Variants in NF2 observed in about 807,000 individuals in gnomAD.
The protein encoded by NF2 is NF2, moesin-ezrin-radixin like (MERLIN) tumor suppressor.
Under a neutral mutation model 83.7 loss-of-function variants are expected in NF2, and 8 were observed. That is an observed-to-expected ratio of 0.10 (90% CI 0.06 to 0.17). The LOEUF (loss-of-function observed/expected upper bound fraction) is 0.17, where lower values mean the gene tolerates loss of function less well. Among genes scored for constraint, NF2 ranks in the 10% least tolerant of loss-of-function variants. NF2 has a pLI of 1.00. For synonymous variants in NF2, 266 were observed against 269.6 expected, an observed-to-expected ratio of 0.99 and a Z score of 0.13; for missense variants, 533 against 744.4, an observed-to-expected ratio of 0.72 and a Z score of 3.31.
intron 1 of NF2, among the ~76,000 whole-genome samples, chr22:29,624,160 G>A (rs775224363): frequency 9.2e-5 from 14 of 152,158 alleles, no homozygotes; most frequent in South Asian, 4.1e-4. Context: ...CTCAGTTGCT[G>A]CATCTATAAA....
chr22:29,661,314 G>A lies in NF2; in HGVS notation c.785G>A (p.Arg262Gln), dbSNP rs1450914413. 5.0e-6 allele frequency: 8 copies of A among 1,613,990 alleles called. No individual in the cohort carries two copies. Among genetic ancestry groups the A allele is most frequent in the Non-Finnish European group, 5.9e-6 (7 of 1,180,034 alleles). ...ATCTCCTTCCCGTGGAATGAAATCC[G>A]AAACATCTCGTACAGTGACAAGGAG... Reference protein sequence around the residue: ...PKISFPWNEIRNISYSDKEFT... With the variant: ...PKISFPWNEIQNISYSDKEFT... Residue 262 changes from arginine to glutamine, a missense_variant, in exon 8 of 16, where the codon CGA becomes CAA. Arg to Gln is a conservative substitution (Grantham distance 43). Transcript: ENST00000338641.
At chr22:29,685,898 G>A (rs886590541) in intron 15 of NF2, among the ~76,000 whole-genome samples, 34 of 152,174 alleles carry the variant, frequency 2.2e-4, no homozygotes, top group African/African-American at 6.0e-4. Context: ...CTGATTAACC[G>A]AGGTTCCTAC....
At position 29,608,504 on chromosome 22, in the gene NF2, A is replaced by G. The variant is rs996902285; in HGVS notation, c.114+4392A>G. ...GCCAACATGGTGAAACCCCATCTCT[A>G]CAAAAATACAAAAATTTAGTTGGGC... On this transcript the variant is annotated intron_variant, in intron 1 of 15. Coordinates refer to ENST00000338641, the MANE Select transcript of NF2 (RefSeq NM_000268.4). 2.1e-4 allele frequency among the ~76,000 whole-genome samples: 32 copies of G among 151,870 alleles called. 1 individual carries two copies. Among genetic ancestry groups the G allele is most frequent in the African/African-American group, 7.2e-4 (30 of 41,460 alleles).
intron 1 of NF2, among the ~76,000 whole-genome samples, chr22:29,620,413 C>G (rs1284798273): frequency 6.7e-6 from 1 of 150,246 alleles, no homozygotes; most frequent in African/African-American, 2.4e-5. Flanking sequence ...GAGTGAGACT[C>G]TGTCTCTTTT....
intron 1 of NF2, among the ~76,000 whole-genome samples, chr22:29,605,434 A>G (rs1045549640): frequency 5.3e-5 from 8 of 152,044 alleles, no homozygotes; most frequent in African/African-American, 1.9e-4. Context: ...AAGTGGTGGG[A>G]AAGTGGTGCG....
chr22:29,630,451 C>A (rs2065477713), intron 1 of NF2, among the ~76,000 whole-genome samples: 1 of 152,208 alleles, frequency 6.6e-6, no homozygotes, highest in African/African-American at 2.4e-5. Context: ...ATGATATAGG[C>A]ACAAGTATAT....
intron 4 of NF2, among the ~76,000 whole-genome samples, chr22:29,644,205 G>A (rs552038457): frequency 1.1e-3 from 162 of 151,082 alleles, no homozygotes; most frequent in African/African-American, 3.5e-3. Context: ...CTTCTCAGAC[G>A]GGGCGGCCGG....
intron 4 of NF2, among the ~76,000 whole-genome samples, chr22:29,647,045 A>AAAG (rs2066003161): frequency 6.6e-6 from 1 of 151,804 alleles, no homozygotes. Flanking sequence ...CAAAAAAAAA[A>AAAG]AAAAAAATGT....
intron 10 of NF2, among the ~76,000 whole-genome samples, chr22:29,670,014 T>C (rs1287968061): frequency 6.6e-6 from 1 of 152,112 alleles, no homozygotes; most frequent in Non-Finnish European, 1.5e-5. Context: ...GCTTTTTTTT[T>C]TAATAAAAGG....
intron 1 of NF2, among the ~76,000 whole-genome samples, chr22:29,625,839 C>G (rs2065353303): frequency 6.6e-6 from 1 of 152,104 alleles, no homozygotes; most frequent in Admixed American, 6.6e-5. Context: ...CTCTTTTTTG[C>G]TTCTTTGCCA....
chr22:29,693,565 C>G (rs2067463630), intron 15 of NF2, among the ~76,000 whole-genome samples: 1 of 152,126 alleles, frequency 6.6e-6, no homozygotes, highest in Non-Finnish European at 1.5e-5. Flanking sequence ...AGAGAATGGG[C>G]CAGACCATCT....
intron 7 of NF2, among the ~76,000 whole-genome samples, chr22:29,660,186 C>T (rs1038915811): frequency 6.6e-6 from 1 of 152,162 alleles, no homozygotes; most frequent in African/African-American, 2.4e-5. Flanking sequence ...GCCACTCAGT[C>T]CGTCGCAGGT....
rs2147033934 is a variant in NF2, at chr22:29,665,083, T to G, written c.885+19T>G. ...TAAGCTGGTAAGTTGAGATCCTGGTTTTCATTACTGATAATGGTAGCTTTT... is the reference window on the plus strand; with the variant it reads ...TAAGCTGGTAAGTTGAGATCCTGGTGTTCATTACTGATAATGGTAGCTTTT... On this transcript the variant is annotated intron_variant, in intron 9 of 15. Transcript: ENST00000338641. 1 of 1,578,378 alleles carries G rather than the reference T, an allele frequency of 6.3e-7. No homozygotes were observed. The highest frequency in any genetic ancestry group is 8.7e-7 in the Non-Finnish European group (1 of 1,147,564).
chr22:29,670,179 G>A (rs540700115), intron 10 of NF2, among the ~76,000 whole-genome samples: 21 of 152,008 alleles, frequency 1.4e-4, no homozygotes, highest in Non-Finnish European at 2.8e-4. Context: ...TAATTGTTTC[G>A]TAGAGATCAG....
intron 15 of NF2, among the ~76,000 whole-genome samples, chr22:29,682,383 A>G (rs530834352): frequency 6.6e-6 from 1 of 152,318 alleles, no homozygotes; most frequent in East Asian, 1.9e-4. Context: ...CAGTCTTTAA[A>G]ATAGGCTTCC....
intron 1 of NF2, among the ~76,000 whole-genome samples, chr22:29,631,124 T>TATTCAGTACTGCATTGAAC (rs2065499228): frequency 6.6e-6 from 1 of 152,178 alleles, no homozygotes; most frequent in Admixed American, 6.5e-5. Flanking sequence ...TGAAGCTGCA[T>TATTCAGTACTGCATTGAAC]ATTCAGTACT....
At chr22:29,661,700 T>G (rs1173442686) in intron 8 of NF2, among the ~76,000 whole-genome samples, 1 of 152,198 alleles carries the variant, frequency 6.6e-6, no homozygotes, top group African/African-American at 2.4e-5. Context: ...CAGACTGGAT[T>G]TGAATCCTGG....
chr22:29,691,632 G>A (rs1569317933), intron 15 of NF2, among the ~76,000 whole-genome samples: 2 of 152,202 alleles, frequency 1.3e-5, no homozygotes, highest in African/African-American at 4.8e-5. Context: ...CTGCCTATGG[G>A]TGTACTGTAA....
intron 15 of NF2, among the ~76,000 whole-genome samples, chr22:29,693,898 A>G (rs2067474064): frequency 6.6e-6 from 1 of 152,196 alleles, no homozygotes; most frequent in Non-Finnish European, 1.5e-5. Context: ...CACCCAAGGC[A>G]TTGATTTCAG....
Sources: gnomAD v4.1 joint callset for allele counts (sites outside exome capture counted in the v4.1 genomes callset) on GRCh38, gnomAD v4.1.1 for gene constraint, MANE v1.5 for transcripts, NCBI Gene and HGNC (gene_info 2026-07-23, HGNC 2026-07-21) for gene names.